RGS12: variants seen among roughly 807,000 people sequenced by gnomAD.
RGS12 encodes the protein regulator of G-protein signaling 12.
RGS12 carries 66 observed loss-of-function variants against 120.1 expected under a neutral mutation model. That is an observed-to-expected ratio of 0.55 (90% CI 0.45 to 0.67). The LOEUF is 0.67. RGS12 is among the 30% of genes least tolerant of loss of function. The probability of loss-of-function intolerance (pLI) is 0.00; values close to 1 mark genes in which losing one functional copy is unlikely to be tolerated. For synonymous variants in RGS12, 827 were observed against 804.7 expected, an observed-to-expected ratio of 1.03 and a Z score of -0.47; for missense variants, 1,859 against 1,957.7, an observed-to-expected ratio of 0.95 and a Z score of 0.95.
chr4:3,364,896 G>T (rs1716137562), intron 3 of RGS12, among the ~76,000 whole-genome samples: 1 of 152,008 alleles, frequency 6.6e-6, no homozygotes, highest in Admixed American at 6.5e-5. Flanking sequence ...CTGCTTGGAA[G>T]GACCCTCCCC....
In RGS12 at chr4:3,366,799, T is replaced by C. The variant is rs3129334; in HGVS notation, c.1999-19617T>C. Reference sequence around the variant, plus strand: ...GAGAGAGGCCTGGGAGACAGGTGAGTCTGTAAGGAGGCCCAGAGTCAAGGA... The same window carrying C: ...GAGAGAGGCCTGGGAGACAGGTGAGCCTGTAAGGAGGCCCAGAGTCAAGGA... On this transcript the variant is annotated intron_variant, in intron 3 of 17. Transcript: ENST00000336727. This position sits in a 1 kb window ranked among gnomAD's most constrained non-coding sequence, Gnocchi z 4.0. Among the ~76,000 whole-genome samples the C allele has an allele frequency of 0.7, 106,693 of 152,010 alleles. 39,270 individuals are homozygous for C. Among genetic ancestry groups the C allele is most frequent in the African/African-American group, 0.93 (38,528 of 41,530 alleles).
At chr4:3,368,840 G>C (rs1421399965) in intron 3 of RGS12, among the ~76,000 whole-genome samples, 2 of 151,984 alleles carry the variant, frequency 1.3e-5, no homozygotes, top group East Asian at 3.9e-4. Flanking sequence ...GCTTAGCCCA[G>C]GAATGGTGAT....
chr4:3,401,493 C>A (rs1720577891), intron 4 of RGS12, among the ~76,000 whole-genome samples: 1 of 152,192 alleles, frequency 6.6e-6, no homozygotes, highest in Admixed American at 6.5e-5. Flanking sequence ...AGTTATTATC[C>A]CAGCTTTATA....
At chr4:3,304,275 A>G (rs879840041) in intron 1 of RGS12, among the ~76,000 whole-genome samples, 3 of 152,214 alleles carry the variant, frequency 2.0e-5, no homozygotes, top group Non-Finnish European at 4.4e-5. Context: ...TATTATTCAA[A>G]AACTATGCAT....
chr4:3,318,194 T>C (rs1420764188), intron 2 of RGS12, 143 bp downstream of exon 2: 2 of 724,252 alleles, frequency 2.8e-6, no homozygotes, highest in East Asian at 5.4e-5. Flanking sequence ...ACAGGGTGTC[T>C]GCGTTGCCTG....
chr4:3,369,410 G>A (rs1639718249), intron 3 of RGS12, among the ~76,000 whole-genome samples: 1 of 152,190 alleles, frequency 6.6e-6, no homozygotes, highest in African/African-American at 2.4e-5. Context: ...TTCCCAGCTG[G>A]CAGCCCAACC....
intron 3 of RGS12, among the ~76,000 whole-genome samples, chr4:3,351,280 C>T (rs1714329781): frequency 6.6e-6 from 1 of 151,980 alleles, no homozygotes; most frequent in South Asian, 2.1e-4. Flanking sequence ...CTTTTTCTGG[C>T]TCTTAAGTGT....
intron 2 of RGS12, among the ~76,000 whole-genome samples, chr4:3,320,868 C>G (rs1277084254): frequency 6.6e-6 from 1 of 152,180 alleles, no homozygotes; most frequent in Non-Finnish European, 1.5e-5. Flanking sequence ...AGGGCCCCAC[C>G]TGGACGCTGG....
At chr4:3,343,132 GT>G (rs942888827) in intron 3 of RGS12, 79 bp downstream of exon 3, 22 of 1,001,206 alleles carry the variant, frequency 2.2e-5, no homozygotes, top group Non-Finnish European at 3.2e-5. Flanking sequence ...ACGTCTGGCT[GT>G]TTTTTGAGTC....
chr4:3,415,523 C>A (rs892766488), intron 6 of RGS12, among the ~76,000 whole-genome samples: 2 of 152,194 alleles, frequency 1.3e-5, no homozygotes, highest in African/African-American at 4.8e-5. Context: ...GCTCCTCCTG[C>A]GCCTCGTGGG....
chr4:3,414,580 T>A, intron 5 of RGS12, 172 bp from the exon 6 acceptor site: 1 of 619,532 alleles, frequency 1.6e-6, no homozygotes, highest in East Asian at 2.7e-5. Context: ...GGGAAACAGC[T>A]GGAAGCAGCA....
intron 2 of RGS12, among the ~76,000 whole-genome samples, chr4:3,330,327 T>C (rs1711694975): frequency 6.6e-6 from 1 of 152,206 alleles, no homozygotes; most frequent in South Asian, 2.1e-4. Flanking sequence ...GCAAATATCC[T>C]TGGGTTTGCC....
intron 2 of RGS12, among the ~76,000 whole-genome samples, chr4:3,333,339 G>A (rs1223282165): frequency 2.0e-5 from 3 of 152,096 alleles, no homozygotes; most frequent in Admixed American, 6.6e-5. Context: ...GTGAGCTACC[G>A]TGCCCGGCCT....
chr4:3,329,847 G>A (rs11942127), intron 2 of RGS12, among the ~76,000 whole-genome samples: 1 of 142,514 alleles, frequency 7.0e-6, no homozygotes, highest in South Asian at 2.1e-4. Context: ...AGTTGAGGAA[G>A]GAGTAAGAGA....
intron 1 of RGS12, among the ~76,000 whole-genome samples, chr4:3,301,622 C>T (rs1249369138): frequency 7.8e-6 from 1 of 128,008 alleles, no homozygotes; most frequent in Non-Finnish European, 1.7e-5. Context: ...GGCCGGGGTC[C>T]GAGGGCCGGG....
chr4:3,394,099 C>T (rs1195894976), intron 4 of RGS12, among the ~76,000 whole-genome samples: 9 of 152,162 alleles, frequency 5.9e-5, no homozygotes, highest in East Asian at 3.8e-4. Context: ...CCCTTCCTGC[C>T]GGCATCTCTC....
intron 4 of RGS12, among the ~76,000 whole-genome samples, chr4:3,396,076 TATTTTTTTTCCATTA>T (rs1259957140): frequency 3.3e-5 from 5 of 152,226 alleles, no homozygotes; most frequent in Admixed American, 3.3e-4. Flanking sequence ...GTTGTATTGT[TATTTTTTTTCCATTA>T]ATTTTTTTTC....
At position 3,439,674 on chromosome 4, in the gene RGS12, C is replaced by A; in HGVS notation, c.4334C>A (p.Thr1445Asn). The A allele has an allele frequency of 6.5e-7, 1 of 1,531,546 alleles. No homozygotes were observed. 94.9% of individuals were successfully genotyped at this position (1,531,546 alleles called of 1,614,324 possible). Residue 1445 changes from threonine to asparagine, a missense_variant, in exon 18 of 18, where the codon ACC (threonine) becomes AAC (asparagine). Around this residue, in one of 3 missense-constraint regions of RGS12, gnomAD observed 517 missense variants for 488.5 expected, o/e 1.06. Transcript: ENST00000336727. ...CCCAAGACCAGCGCTCACCACGCCACCTTCGTCTGAGCTGCCCTGGCCTGG... is the reference window on the plus strand; with the variant it reads ...CCCAAGACCAGCGCTCACCACGCCAACTTCGTCTGAGCTGCCCTGGCCTGG... The part of the protein sequence containing the change: ...AKPKTSAHHA[T>N]FV
intron 3 of RGS12, among the ~76,000 whole-genome samples, chr4:3,383,796 C>T (rs1475639265): frequency 3.3e-5 from 5 of 152,214 alleles, no homozygotes; most frequent in South Asian, 4.1e-4. Context: ...ACAGGAGCAG[C>T]GATGGCCCAT....
Sources: allele counts gnomAD v4.1 joint callset (sites outside exome capture counted in the v4.1 genomes callset), GRCh38; gene constraint gnomAD v4.1.1; regional missense constraint gnomAD v4.1.1; non-coding constraint Gnocchi (gnomAD v3.1); transcripts MANE v1.5; gene names NCBI Gene and HGNC (gene_info 2026-07-23, HGNC 2026-07-21).